Variants in COL18A1 observed in about 807,000 individuals in gnomAD.
COL18A1 encodes the protein collagen alpha-1(XVIII) chain.
COL18A1 carries 133 observed loss-of-function variants against 168.0 expected under a neutral mutation model. The ratio of observed to expected loss-of-function variants is 0.79; its 90% CI spans 0.69 to 0.91. The LOEUF is 0.91. Ranked by LOEUF, COL18A1 falls within the 40% of genes least tolerant of loss-of-function variation. The pLI is 0.00. For missense variants in COL18A1, 2,126 were observed against 1,925.4 expected (o/e 1.10, Z -1.95); for synonymous variants, 949 against 809.0 (o/e 1.17, Z -2.94).
chr21:45,486,028 C>T (rs529057010), intron 15 of COL18A1, among the ~76,000 whole-genome samples: 8 of 152,320 alleles, frequency 5.3e-5, no homozygotes, highest in Admixed American at 2.0e-4. Flanking sequence ...CACGTCACAG[C>T]GGGACCCCTG....
intron 32 of COL18A1, among the ~76,000 whole-genome samples, chr21:45,502,206 G>A (rs1035104366): frequency 3.3e-5 from 5 of 152,184 alleles, no homozygotes; most frequent in Non-Finnish European, 7.3e-5. Context: ...TGGGATGGGG[G>A]GCCCTGGGGG....
At position 45,423,517 on chromosome 21, in the gene COL18A1, G is replaced by T. The variant is rs373605380; in HGVS notation, c.106+18044G>T. On this transcript the variant is annotated intron_variant, in intron 2 of 41. Coordinates refer to ENST00000651438, the MANE Select transcript of COL18A1 (RefSeq NM_001379500.1). This position sits in a 1 kb window ranked among gnomAD's most constrained non-coding sequence, Gnocchi z 4.0. ...CCGCCCCCCGCCCCCCGGAGGGCCCGGCTCCAAGGGTCATATGAGTGGATC... is the reference window on the plus strand; with the variant it reads ...CCGCCCCCCGCCCCCCGGAGGGCCCTGCTCCAAGGGTCATATGAGTGGATC... 7.3e-6 allele frequency among the ~76,000 whole-genome samples: 1 copy of T among 137,154 alleles called. No homozygotes were observed. The highest frequency in any genetic ancestry group is 2.7e-5 in the African/African-American group (1 of 37,474). 90.0% of individuals were successfully genotyped at this position (137,154 alleles called of 152,430 possible). A position where few individuals can be genotyped will look rare whatever the true frequency, so the allele number is the denominator to read the frequency against.
At chr21:45,481,355 GGGCAGCAGGTCATGACT>G (rs796516694) in intron 13 of COL18A1, among the ~76,000 whole-genome samples, 35 of 152,286 alleles carry the variant, frequency 2.3e-4, no homozygotes, top group African/African-American at 7.7e-4. Context: ...CACACATGAT[GGGCAGCAGGTCATGACT>G]GGCAGCAGGT....
intron 2 of COL18A1, among the ~76,000 whole-genome samples, chr21:45,447,201 A>C (rs574520947): frequency 6.6e-6 from 1 of 151,254 alleles, no homozygotes; most frequent in South Asian, 2.1e-4. Flanking sequence ...GATCTTATAT[A>C]TATATATATC....
At chr21:45,429,973 CCT>C (rs1169013181) in intron 2 of COL18A1, among the ~76,000 whole-genome samples, 4 of 151,094 alleles carry the variant, frequency 2.6e-5, no homozygotes, top group Non-Finnish European at 5.9e-5. Context: ...GCCCTCTCGT[CCT>C]CTCCTGCATG....
At chr21:45,512,084 A>AC (rs2037644287) in intron 41 of COL18A1, 104 bp from the exon 42 acceptor site, 33 of 1,259,392 alleles carry the variant, frequency 2.6e-5, no homozygotes, top group Non-Finnish European at 3.5e-5. Context: ...CCCCCTGGTA[A>AC]CCCCAGGGCT....
chr21:45,503,919 T>C (rs1172365725), intron 32 of COL18A1, 92 bp from the exon 33 acceptor site: 3 of 1,417,538 alleles, frequency 2.1e-6, no homozygotes, highest in Non-Finnish European at 3.0e-6. Flanking sequence ...TAGAAGGGCC[T>C]CAGGCAAACC....
chr21:45,467,252 C>A (rs2035245278), intron 2 of COL18A1: 38 of 985,420 alleles, frequency 3.9e-5, no homozygotes, highest in Non-Finnish European at 4.5e-5. Context: ...TGCGTCCTGG[C>A]TTGGGCTCCC....
At chr21:45,451,861 T>C (rs572051646) in intron 2 of COL18A1, among the ~76,000 whole-genome samples, 1 of 152,326 alleles carries the variant, frequency 6.6e-6, no homozygotes, top group East Asian at 1.9e-4. Context: ...CTCTTCCTCC[T>C]TGGCTGGGGT....
At position 45,487,513 on chromosome 21, in the gene COL18A1, G is replaced by C; in HGVS notation, c.1896+4G>C. 1 of 1,612,894 alleles carries C rather than the reference G, an allele frequency of 6.2e-7. No individual in the cohort carries two copies. Among genetic ancestry groups the C allele is most frequent in the East Asian group, 2.2e-5 (1 of 44,868 alleles). ...CCGAAGCGCTGATGGGCCACAGGTA[G>C]TGTTGTGAGCTGGGCGTGGCCGGCT... is the stretch of plus-strand genomic sequence containing the variant. On this transcript the variant is annotated splice_donor_region_variant and intron_variant, in intron 17 of 41. Transcript: ENST00000651438.
intron 38 of COL18A1, among the ~76,000 whole-genome samples, chr21:45,508,108 C>CAGGCGGGTGAGT (rs1197148664): frequency 2.6e-5 from 3 of 116,716 alleles, no homozygotes; most frequent in Non-Finnish European, 5.3e-5. Context: ...GGATGGTGGT[C>CAGGCGGGTGAGT]AGGCGGGTGA....
At chr21:45,492,628 G>A in intron 23 of COL18A1, 59 bp from the exon 24 acceptor site, 1 of 1,611,006 alleles carries the variant, frequency 6.2e-7, no homozygotes, top group South Asian at 1.1e-5. Flanking sequence ...GCTGGGTGGG[G>A]TCCGGGCAGG....
intron 9 of COL18A1, among the ~76,000 whole-genome samples, chr21:45,478,970 G>A (rs566952025): frequency 2.9e-4 from 44 of 152,326 alleles, no homozygotes; most frequent in African/African-American, 8.4e-4. Context: ...ATTACCGACC[G>A]CCTGGCACCC....
chr21:45,444,675 A>T (rs114340535), intron 2 of COL18A1, among the ~76,000 whole-genome samples: 6,458 of 152,150 alleles, frequency 0.042, 178 homozygotes, highest in African/African-American at 0.074. Flanking sequence ...TGAGCCAGGG[A>T]GGAAACACTA....
rs1398329784 is a variant in COL18A1, at chr21:45,425,289, G to T, written c.106+19816G>T. On this transcript the variant is annotated intron_variant, in intron 2 of 41. Coordinates refer to ENST00000651438, the MANE Select transcript of COL18A1 (RefSeq NM_001379500.1). This position sits in a 1 kb window ranked among gnomAD's most constrained non-coding sequence, Gnocchi z 4.1. The stretch of plus-strand genomic sequence containing the variant: ...GTTGGAGCCCCGGCCGTGTGTGTGT[G>T]TGTGCTGTGAGTGCAGTGTGACCGC... 1.3e-5 allele frequency among the ~76,000 whole-genome samples: 2 copies of T among 152,116 alleles called. No homozygotes were observed. Among genetic ancestry groups the T allele is most frequent in the Admixed American group, 6.5e-5 (1 of 15,276 alleles).
At chr21:45,510,945 ACCCACAACACCC>A (rs1344038832) in intron 40 of COL18A1, among the ~76,000 whole-genome samples, 154 bp from the exon 41 acceptor site, 19 of 26,040 alleles carry the variant, frequency 7.3e-4, no homozygotes, top group African/African-American at 4.2e-3. Context: ...AAAAACACAC[ACCCACAACACCC>A]CACATACACC....
Position 45,479,239 on chromosome 21 carries a change from T to C in COL18A1, c.1249-663T>C, listed in dbSNP as rs114013356. Among the ~76,000 whole-genome samples the C allele has an allele frequency of 3.5e-3, 538 of 152,040 alleles. 1 individual carries two copies. Among genetic ancestry groups the C allele is most frequent in the African/African-American group, 0.012 (510 of 41,450 alleles). ...ACCACACATGCACACACAGCACATA[T>C]CACACACCACACATTACACACCACA... On this transcript the variant is annotated intron_variant, in intron 9 of 41. Transcript: ENST00000651438.
intron 22 of COL18A1, 71 bp downstream of exon 22, chr21:45,491,385 G>GCCCCCCCCCCC (rs148502711): frequency 8.9e-5 from 64 of 716,982 alleles, no homozygotes; most frequent in African/African-American, 4.2e-4. Context: ...CCCTCCCCGA[G>GCCCCCCCCCCC]CCCCCCCCAC....
chr21:45,455,572 C>T (rs759282506), intron 2 of COL18A1: 2 of 1,613,884 alleles, frequency 1.2e-6, no homozygotes, highest in South Asian at 1.1e-5. Context: ...TGCTGCTGCT[C>T]TTCTGCTGCC....
Sources: gnomAD v4.1 joint callset for allele counts (sites outside exome capture counted in the v4.1 genomes callset) on GRCh38, gnomAD v4.1.1 for gene constraint, Gnocchi (gnomAD v3.1) non-coding constraint, MANE v1.5 for transcripts, NCBI Gene and HGNC (gene_info 2026-07-23, HGNC 2026-07-21) for gene names.